C12orf42: variants seen among roughly 807,000 people sequenced by gnomAD.
C12orf42 encodes uncharacterized protein C12orf42.
In C12orf42, 25 loss-of-function variants were observed where a neutral mutation model predicts 21.6. The ratio of observed to expected loss-of-function variants is 1.16; its 90% CI spans 0.84 to 1.62. The LOEUF is 1.62. C12orf42 is among the 40% of genes most tolerant of loss of function. The pLI is 0.00. For missense variants in C12orf42, 483 were observed against 459.3 expected (o/e 1.05, Z -0.47); for synonymous variants, 174 against 175.0 (o/e 0.99, Z 0.05).
At chr12:103,442,134 G>C (rs193000420) in intron 2 of C12orf42, among the ~76,000 whole-genome samples, 1 of 151,942 alleles carries the variant, frequency 6.6e-6, no homozygotes, top group East Asian at 1.9e-4. Flanking sequence ...GCAGAGAAAG[G>C]CTCCATCTCA....
chr12:103,435,923 A>G (rs946472928), intron 2 of C12orf42, among the ~76,000 whole-genome samples: 7 of 149,500 alleles, frequency 4.7e-5, no homozygotes, highest in Admixed American at 6.6e-5. Context: ...ACTCCTCGAG[A>G]AGAGCAACTC....
chr12:103,239,457 G>C (rs1033869748), intron 10 of C12orf42, among the ~76,000 whole-genome samples: 9 of 152,098 alleles, frequency 5.9e-5, no homozygotes, highest in Non-Finnish European at 1.0e-4. Context: ...TCCAATCCAT[G>C]TGTTTTCTGG....
At chr12:103,135,766 T>G in the C12orf42 span, among the ~76,000 whole-genome samples, 1 of 152,188 alleles carries the variant, frequency 6.6e-6, no homozygotes, top group Non-Finnish European at 1.5e-5. Context: ...TGCAAATAAA[T>G]AAATGTAATA....
chr12:103,126,569 T>C, the C12orf42 span, among the ~76,000 whole-genome samples: 41 of 151,608 alleles, frequency 2.7e-4, no homozygotes, highest in Non-Finnish European at 5.4e-4. Flanking sequence ...TTACAATCAA[T>C]GTAATGGTTC....
At chr12:103,187,557 C>T in the C12orf42 span, among the ~76,000 whole-genome samples, 3 of 152,090 alleles carry the variant, frequency 2.0e-5, no homozygotes, top group African/African-American at 4.8e-5. Context: ...AAAACATATA[C>T]TTTTGTTTTG....
Position 103,286,159 on chromosome 12 carries a change from G to A in C12orf42, n.338-8949C>T, listed in dbSNP as rs374471424. ...CCAGCTACTCCGGAGGCTGAGGCAG[G>A]AGAATGGCATGAACCCGGGAGGCGG... On this transcript the variant is annotated intron_variant and non_coding_transcript_variant, in intron 4 of 6. Coordinates refer to the C12orf42 transcript ENST00000546526. 2.6e-5 allele frequency among the ~76,000 whole-genome samples: 4 copies of A among 152,032 alleles called. No individual in the cohort carries two copies. The East Asian group carries it at 5.8e-4, about 22-fold the overall frequency.
chr12:103,377,638 T>G (rs7306825), intron 3 of C12orf42, among the ~76,000 whole-genome samples: 50,410 of 151,920 alleles, frequency 0.33, 8,912 homozygotes, highest in African/African-American at 0.45. Flanking sequence ...TTTTGCCAGA[T>G]AATAAATCTT....
At chr12:103,483,468 C>A (rs1020620507) in intron 1 of C12orf42, among the ~76,000 whole-genome samples, 1 of 152,022 alleles carries the variant, frequency 6.6e-6, no homozygotes, top group Non-Finnish European at 1.5e-5. Flanking sequence ...AAATTAAATT[C>A]TCCAGTTGAA....
chr12:103,118,323 A>C, the C12orf42 span, among the ~76,000 whole-genome samples: 1 of 152,196 alleles, frequency 6.6e-6, no homozygotes, highest in African/African-American at 2.4e-5. Flanking sequence ...TGGATGAATG[A>C]ATTGAATTGT....
chr12:103,391,589 G>A (rs1201431915), intron 3 of C12orf42, among the ~76,000 whole-genome samples: 1 of 151,718 alleles, frequency 6.6e-6, no homozygotes, highest in East Asian at 1.9e-4. Flanking sequence ...CAAGTCCTTT[G>A]CCCATTTTTT....
At chr12:103,476,406 ACT>A (rs1396969292) in intron 2 of C12orf42, among the ~76,000 whole-genome samples, 1 of 152,042 alleles carries the variant, frequency 6.6e-6, no homozygotes, top group Admixed American at 6.6e-5. Flanking sequence ...AGGAAAAGAA[ACT>A]CTCTCTTCCC....
intron 2 of C12orf42, among the ~76,000 whole-genome samples, chr12:103,413,486 T>TATC (rs2049023617): frequency 6.6e-6 from 1 of 151,758 alleles, no homozygotes; most frequent in African/African-American, 2.4e-5. Context: ...CTATTATTAT[T>TATC]ATTATTATTT....
the C12orf42 span, among the ~76,000 whole-genome samples, chr12:103,076,527 G>T: frequency 1.3e-5 from 2 of 151,862 alleles, no homozygotes; most frequent in Non-Finnish European, 2.9e-5. Context: ...CTGGTTCCAG[G>T]GCCAATTTTA....
At chr12:103,131,830 G>A in the C12orf42 span, among the ~76,000 whole-genome samples, 174 of 152,116 alleles carry the variant, frequency 1.1e-3, 5 homozygotes, top group East Asian at 0.022. Context: ...ATGTTAGTGC[G>A]TGGAGTAATG....
chr12:103,135,746 G>A, the C12orf42 span, among the ~76,000 whole-genome samples: 108 of 152,238 alleles, frequency 7.1e-4, no homozygotes, highest in Middle Eastern at 3.4e-3. Flanking sequence ...TGCAAGAATG[G>A]TTCAACATAT....
At chr12:103,450,373 T>C (rs1951862374) in intron 2 of C12orf42, among the ~76,000 whole-genome samples, 1 of 152,178 alleles carries the variant, frequency 6.6e-6, no homozygotes, top group Admixed American at 6.6e-5. Context: ...CTTGCTTTAC[T>C]GGGATAAACT....
rs757899656 is a variant in C12orf42 at position 103,401,840 on chromosome 12, G to A, written c.79-165C>T. Among the ~76,000 whole-genome samples, 6 of 152,166 alleles carry A rather than the reference G, an allele frequency of 3.9e-5. 1 individual carries two copies. The highest frequency in any genetic ancestry group is 7.3e-5 in the Non-Finnish European group (5 of 68,040). On this transcript the variant is annotated intron_variant, in intron 2 of 5. Coordinates refer to ENST00000548883, the MANE Select transcript of C12orf42 (RefSeq NM_198521.5). ...TTGCCCACAACACTGTCCCAGGTGC[G>A]TTGGGAACAATGGTGAGCCCAAAAC...
chr12:103,078,719 G>T, the C12orf42 span, among the ~76,000 whole-genome samples: 6 of 152,196 alleles, frequency 3.9e-5, no homozygotes, highest in African/African-American at 1.4e-4. Context: ...GGTATTGTTT[G>T]CACGGTCTAT....
the C12orf42 span, among the ~76,000 whole-genome samples, chr12:103,069,607 T>G: frequency 3.9e-5 from 6 of 152,334 alleles, no homozygotes; most frequent in South Asian, 1.2e-3. Context: ...TTCTACTGCA[T>G]GCGTATTGCT....
Sources: allele counts gnomAD v4.1 joint callset (sites outside exome capture counted in the v4.1 genomes callset), GRCh38; gene constraint gnomAD v4.1.1; transcripts MANE v1.5; gene names NCBI Gene and HGNC (gene_info 2026-07-23, HGNC 2026-07-21).